SH3RF3: variants seen among roughly 807,000 people sequenced by gnomAD.
SH3RF3 encodes E3 ubiquitin-protein ligase SH3RF3.
A neutral mutation model predicts 66.3 loss-of-function variants in SH3RF3; 29 were observed. That is an observed-to-expected ratio of 0.44 (90% CI 0.33 to 0.60). SH3RF3 has a LOEUF of 0.60. Among genes scored for constraint, SH3RF3 ranks in the 20% least tolerant of loss-of-function variants. The pLI is 0.04. For synonymous variants in SH3RF3, 583 were observed against 532.0 expected (o/e 1.10, Z -1.32); for missense variants, 1,194 against 1,190.9 (o/e 1.00, Z -0.04).
chr2:109,503,900 CGA>C lies in SH3RF3; in HGVS notation c.*2230_*2231del. 1 of 152,276 alleles carries C rather than the reference CGA, an allele frequency of 6.6e-6. No homozygotes were observed. Among genetic ancestry groups the C allele is most frequent in the South Asian group, 2.1e-4 (1 of 4,824 alleles). The allele number at this position is 152,276 out of a possible 1,614,324, so 9.4% of individuals were successfully genotyped here. A position where few individuals can be genotyped will look rare whatever the true frequency, so the allele number is the denominator to read the frequency against. ...CATGCAGCATGGTAGAGAGCTGGGG[CGA>C]ATATCTCCATGTCTTTGGAGGATGT... On this transcript the variant is annotated 3_prime_UTR_variant, in exon 10 of 10. Coordinates refer to ENST00000309415, the MANE Select transcript of SH3RF3 (RefSeq NM_001099289.3).
chr2:109,206,218 C>T (rs1411490422), intron 1 of SH3RF3, among the ~76,000 whole-genome samples: 1 of 152,028 alleles, frequency 6.6e-6, no homozygotes, highest in Non-Finnish European at 1.5e-5. Flanking sequence ...GGGCCGGGCA[C>T]GGTGGCTCAC....
Position 109,298,321 on chromosome 2 carries a change from A to G in SH3RF3, c.574-49353A>G, listed in dbSNP as rs79146400. 9.5e-3 allele frequency among the ~76,000 whole-genome samples: 1,448 copies of G among 152,138 alleles called. 12 individuals are homozygous for G. The highest frequency in any genetic ancestry group is 0.016 in the Non-Finnish European group (1,085 of 68,002). On this transcript the variant is annotated intron_variant, in intron 1 of 9. Coordinates refer to ENST00000309415, the MANE Select transcript of SH3RF3 (RefSeq NM_001099289.3). The stretch of plus-strand genomic sequence containing the variant: ...GACAGGCGGGAAGGGAAGCGCATCT[A>G]TGTCTGTCATCCTTGTCCCTGCAGT...
intron 1 of SH3RF3, among the ~76,000 whole-genome samples, chr2:109,181,673 C>T (rs544599484): frequency 2.6e-5 from 4 of 152,344 alleles, no homozygotes; most frequent in South Asian, 2.1e-4. Context: ...AAATTTCCCT[C>T]CCGGCCACAG....
intron 1 of SH3RF3, among the ~76,000 whole-genome samples, chr2:109,190,024 A>G (rs1484710149): frequency 1.3e-5 from 2 of 152,368 alleles, no homozygotes; most frequent in South Asian, 2.1e-4. Flanking sequence ...TACAGAACTA[A>G]AAAGGAGAGG....
chr2:109,492,671 A>G (rs1219398859), intron 9 of SH3RF3, among the ~76,000 whole-genome samples: 3 of 152,152 alleles, frequency 2.0e-5, no homozygotes, highest in Admixed American at 6.5e-5. Flanking sequence ...TAACTGGCCC[A>G]AGATCACACA....
At chr2:109,187,283 A>T (rs1678216606) in intron 1 of SH3RF3, among the ~76,000 whole-genome samples, 1 of 152,158 alleles carries the variant, frequency 6.6e-6, no homozygotes, top group Non-Finnish European at 1.5e-5. Flanking sequence ...CTTCGATCTG[A>T]TGTGACCTGT....
At chr2:109,211,772 A>C (rs9308810) in intron 1 of SH3RF3, among the ~76,000 whole-genome samples, 64,230 of 151,754 alleles carry the variant, frequency 0.42, 16,079 homozygotes, top group East Asian at 0.8. Context: ...AGCCTCCCTG[A>C]GTAGCTGGGA....
chr2:109,318,971 A>G (rs1681953164), intron 1 of SH3RF3, among the ~76,000 whole-genome samples: 4 of 152,254 alleles, frequency 2.6e-5, no homozygotes, highest in African/African-American at 4.8e-5. Context: ...TTGTATTTCA[A>G]GTGTCTGTCC....
intron 1 of SH3RF3, among the ~76,000 whole-genome samples, chr2:109,259,345 G>A (rs565551484): frequency 6.6e-6 from 1 of 152,316 alleles, no homozygotes; most frequent in Admixed American, 6.5e-5. Context: ...AGCCCTCTGA[G>A]ACCACCATCC....
At chr2:109,348,742 C>T (rs1216657737) in intron 2 of SH3RF3, among the ~76,000 whole-genome samples, 1 of 152,140 alleles carries the variant, frequency 6.6e-6, no homozygotes, top group East Asian at 1.9e-4. Flanking sequence ...CTCTCTCCCT[C>T]CTGCTTCCCC....
In SH3RF3 at chr2:109,502,842, G is replaced by T. The variant is rs779198510; in HGVS notation, c.*1171G>T. On this transcript the variant is annotated 3_prime_UTR_variant, in exon 10 of 10. Transcript: ENST00000309415. ...AGATGATTTCTTGGTATCAAAATGT[G>T]CAGTTTCTACAACAGTTTAGATCAC... 2 of 152,184 alleles carry T rather than the reference G, an allele frequency of 1.3e-5. No homozygotes were observed. The highest frequency in any genetic ancestry group is 2.9e-5 in the Non-Finnish European group (2 of 68,042). The allele number at this position is 152,184 out of a possible 1,614,324, so 9.4% of individuals were successfully genotyped here.
chr2:109,314,546 C>T (rs1049426580), intron 1 of SH3RF3, among the ~76,000 whole-genome samples: 1 of 152,216 alleles, frequency 6.6e-6, no homozygotes, highest in Non-Finnish European at 1.5e-5. Context: ...GCACCATCAA[C>T]TAATACATTT....
At chr2:109,456,777 G>A (rs915307422) in intron 8 of SH3RF3, among the ~76,000 whole-genome samples, 7 of 152,190 alleles carry the variant, frequency 4.6e-5, no homozygotes, top group African/African-American at 1.2e-4. Context: ...GCCACACAAC[G>A]AGTAGGGCAC....
Position 109,503,507 on chromosome 2 carries a change from A to C in SH3RF3, c.*1836A>C, listed in dbSNP as rs1679450142. ...AGTTGTTCAGAATCAAAGAAGAAAA[A>C]GTCTGGCTTAAACATAGTAACTTCT... On this transcript the variant is annotated 3_prime_UTR_variant, in exon 10 of 10. Coordinates refer to ENST00000309415, the MANE Select transcript of SH3RF3 (RefSeq NM_001099289.3). 6.6e-6 allele frequency: 1 copy of C among 152,196 alleles called. No homozygotes were observed. Among genetic ancestry groups the C allele is most frequent in the African/African-American group, 2.4e-5 (1 of 41,442 alleles). The allele number at this position is 152,196 out of a possible 1,614,324, so 9.4% of individuals were successfully genotyped here.
chr2:109,465,314 C>T (rs143207242), intron 8 of SH3RF3, among the ~76,000 whole-genome samples: 9 of 152,246 alleles, frequency 5.9e-5, no homozygotes, highest in East Asian at 5.8e-4. Flanking sequence ...GACATAAATT[C>T]GGATAAATAC....
intron 8 of SH3RF3, among the ~76,000 whole-genome samples, chr2:109,467,601 G>T (rs906409594): frequency 1.3e-5 from 2 of 152,182 alleles, no homozygotes; most frequent in Non-Finnish European, 2.9e-5. Context: ...TTGTCAAATA[G>T]ATATTTTTAA....
At chr2:109,231,185 A>G (rs1679505417) in intron 1 of SH3RF3, among the ~76,000 whole-genome samples, 5 of 152,250 alleles carry the variant, frequency 3.3e-5, no homozygotes. Flanking sequence ...GCTTTGCCGA[A>G]GTCTCGGATG....
intron 4 of SH3RF3, among the ~76,000 whole-genome samples, chr2:109,417,894 T>C (rs1177113150): frequency 6.6e-6 from 1 of 152,066 alleles, no homozygotes; most frequent in Non-Finnish European, 1.5e-5. Context: ...CCAGAACTGG[T>C]CAGTGAGTAA....
intron 1 of SH3RF3, among the ~76,000 whole-genome samples, chr2:109,292,077 A>G (rs1681196429): frequency 6.6e-6 from 1 of 152,094 alleles, no homozygotes; most frequent in Non-Finnish European, 1.5e-5. Context: ...GTTAGCCAGG[A>G]TGGTCTCGAT....
Sources: gnomAD v4.1 joint callset for allele counts (sites outside exome capture counted in the v4.1 genomes callset) on GRCh38, gnomAD v4.1.1 for gene constraint, MANE v1.5 for transcripts, NCBI Gene and HGNC (gene_info 2026-07-23, HGNC 2026-07-21) for gene names.